Variants in UNC13B observed in about 807,000 individuals in gnomAD.
UNC13B encodes protein unc-13 homolog B.
In UNC13B, 144 loss-of-function variants were observed where a neutral mutation model predicts 211.0. The observed-to-expected ratio is 0.68, with a 90% CI of 0.60 to 0.78. The LOEUF is 0.78. Ranked by LOEUF, UNC13B falls within the 30% of genes least tolerant of loss-of-function variation. The probability of loss-of-function intolerance (pLI) is 0.00; values close to 1 mark genes in which losing one functional copy is unlikely to be tolerated. For missense variants in UNC13B, 1,777 were observed against 2,002.0 expected (o/e 0.89, Z 2.14); for synonymous variants, 709 against 725.8 (o/e 0.98, Z 0.37).
rs1564081215 is a variant in UNC13B at position 35,231,202 on chromosome 9, G to A, written c.135G>A (p.Trp45Ter). 6.2e-7 allele frequency: 1 copy of A among 1,612,368 alleles called. No individual in the cohort carries two copies. The highest frequency in any genetic ancestry group is 8.5e-7 in the Non-Finnish European group (1 of 1,178,580). The change falls in exon 3 of 40, where the codon TGG becomes TGA. Residue 45 changes from tryptophan to a stop codon, truncating the protein, a stop_gained. Coordinates refer to ENST00000635942, the MANE Select transcript of UNC13B (RefSeq NM_001371189.2). LOFTEE classifies it high-confidence loss of function. ...CAGTTCGTGGTGATCAGCCTTCCTG[G>A]GAACAGGATTTCATGTTGTAAGTAT... is the stretch of plus-strand genomic sequence containing the variant. ...TVAVRGDQPS[W>*]EQDFMFEISR... is the part of the protein sequence containing the mutation.
chr9:35,400,178 G>T (rs1273038105), intron 36 of UNC13B, 118 bp from the exon 37 acceptor site: 2 of 1,414,258 alleles, frequency 1.4e-6, no homozygotes, highest in Admixed American at 4.2e-5. Flanking sequence ...CTCTGGTTCT[G>T]TGGGTGTTCC....
intron 3 of UNC13B, among the ~76,000 whole-genome samples, chr9:35,233,330 A>C (rs984156034): frequency 1.3e-5 from 2 of 151,926 alleles, no homozygotes; most frequent in African/African-American, 4.8e-5. Context: ...TTTATTTTCC[A>C]ATTTCCCATA....
Position 35,236,519 on chromosome 9 carries a change from G to T in UNC13B, c.203G>T (p.Gly68Val), listed in dbSNP as rs993513945. 5 of 1,614,102 alleles carry T rather than the reference G, an allele frequency of 3.1e-6. No individual in the cohort carries two copies. The highest frequency in any genetic ancestry group is 1.7e-5 in the Admixed American group (1 of 60,004). ...LGLSVEVWNK[G>V]LIWDTMVGTV... ...CTAAGTGTGGAGGTATGGAACAAAG[G>T]ACTGATCTGGGACACCATGGTGGGG... Residue 68 changes from glycine (G) to valine (V), a missense_variant, in exon 4 of 40, where the codon GGA becomes GTA. Coordinates refer to ENST00000635942, the MANE Select transcript of UNC13B (RefSeq NM_001371189.2).
chr9:35,253,166 G>A (rs1186166140), intron 6 of UNC13B, among the ~76,000 whole-genome samples: 3 of 152,070 alleles, frequency 2.0e-5, no homozygotes, highest in Non-Finnish European at 4.4e-5. Context: ...TTTGGAGACA[G>A]GGTCTTGCTC....
intron 11 of UNC13B, among the ~76,000 whole-genome samples, chr9:35,339,842 C>A (rs571986156): frequency 6.6e-6 from 1 of 152,328 alleles, no homozygotes; most frequent in African/African-American, 2.4e-5. Context: ...CTTAGCCAGG[C>A]CTTAGGGCCA....
chr9:35,370,273 T>C, intron 12 of UNC13B, 45 bp from the exon 13 acceptor site: 1 of 1,589,228 alleles, frequency 6.3e-7, no homozygotes. Context: ...ACCAGCTAAC[T>C]CAAAGCAAGA....
chr9:35,400,117 C>A (rs1390307966), intron 36 of UNC13B, among the ~76,000 whole-genome samples, 179 bp from the exon 37 acceptor site: 3 of 152,212 alleles, frequency 2.0e-5, no homozygotes. Flanking sequence ...ATGTGGCCAT[C>A]CCCTACTAAT....
At chr9:35,377,855 G>A (rs1834534568) in intron 16 of UNC13B, among the ~76,000 whole-genome samples, 160 bp downstream of exon 16, 1 of 152,204 alleles carries the variant, frequency 6.6e-6, no homozygotes, top group Non-Finnish European at 1.5e-5. Context: ...TCCTTACCTA[G>A]ACCCTGGTGC....
intron 11 of UNC13B, among the ~76,000 whole-genome samples, chr9:35,337,689 C>T (rs7872997): frequency 0.05 from 7,651 of 152,282 alleles, 651 homozygotes; most frequent in African/African-American, 0.18. Flanking sequence ...GAAAAACCCA[C>T]CTCTTTGGGA....
At chr9:35,287,941 C>T (rs1234219671) in intron 7 of UNC13B, among the ~76,000 whole-genome samples, 1 of 152,030 alleles carries the variant, frequency 6.6e-6, no homozygotes, top group East Asian at 1.9e-4. Context: ...AGCCTGCCCC[C>T]ATGTTGTATT....
chr9:35,207,067 GT>G (rs950509965), intron 1 of UNC13B, among the ~76,000 whole-genome samples: 2 of 152,114 alleles, frequency 1.3e-5, no homozygotes, highest in East Asian at 3.8e-4. Context: ...CAAAGTGGCT[GT>G]ATCATTGTGG....
At chr9:35,209,056 T>C (rs2131408529) in intron 1 of UNC13B, among the ~76,000 whole-genome samples, 2 of 152,206 alleles carry the variant, frequency 1.3e-5, no homozygotes, top group Non-Finnish European at 2.9e-5. Context: ...TCCTTTCCAC[T>C]TTGTTTGTTT....
rs1324814809 is a variant in UNC13B, at chr9:35,404,878, A to G, written c.*845A>G. The G allele has an allele frequency of 2.0e-5, 3 of 152,580 alleles. No individual in the cohort carries two copies. In the East Asian group the frequency reaches 5.8e-4, roughly 29 times the overall value. 9.5% of individuals were successfully genotyped at this position (152,580 alleles called of 1,614,324 possible). Reference sequence around the variant, plus strand: ...CTTGGGTGGGCCCTGAACAAAGCCAAAAATTGTAGAAACCAGTCTAGAAAA... The same window carrying G: ...CTTGGGTGGGCCCTGAACAAAGCCAGAAATTGTAGAAACCAGTCTAGAAAA... On this transcript the variant is annotated 3_prime_UTR_variant, in exon 40 of 40. Coordinates refer to ENST00000635942, the MANE Select transcript of UNC13B (RefSeq NM_001371189.2).
intron 5 of UNC13B, among the ~76,000 whole-genome samples, chr9:35,241,796 A>C (rs1018361611): frequency 6.6e-6 from 1 of 152,118 alleles, no homozygotes; most frequent in Non-Finnish European, 1.5e-5. Flanking sequence ...TTATGGGTGT[A>C]CCATATGGAT....
chr9:35,192,449 A>G (rs1822708857), intron 1 of UNC13B, among the ~76,000 whole-genome samples: 1 of 152,232 alleles, frequency 6.6e-6, no homozygotes, highest in Admixed American at 6.5e-5. Context: ...TAGAAGCAGC[A>G]TAACATCCCT....
chr9:35,371,556 C>T (rs180863211), intron 13 of UNC13B, among the ~76,000 whole-genome samples: 1 of 152,266 alleles, frequency 6.6e-6, no homozygotes, highest in African/African-American at 2.4e-5. Context: ...GCCATGTCTT[C>T]TTCAATACCA....
At chr9:35,281,629 G>A (rs7031549) in intron 7 of UNC13B, among the ~76,000 whole-genome samples, 96,477 of 152,020 alleles carry the variant, frequency 0.63, 31,228 homozygotes, top group Middle Eastern at 0.76. Flanking sequence ...TGTAGTTTAC[G>A]TTATGGTTCT....
chr9:35,390,521 C>A, intron 25 of UNC13B, 108 bp from the exon 26 acceptor site: 1 of 1,242,484 alleles, frequency 8.0e-7, no homozygotes, highest in Non-Finnish European at 1.2e-6. Flanking sequence ...CCCTAAGCAT[C>A]TCCTCTCTCC....
At chr9:35,178,254 A>G (rs1427526172) in intron 1 of UNC13B, among the ~76,000 whole-genome samples, 1 of 152,196 alleles carries the variant, frequency 6.6e-6, no homozygotes, top group African/African-American at 2.4e-5. Context: ...CATGCCTGTA[A>G]TCTCAGCATT....
Sources: allele counts gnomAD v4.1 joint callset (sites outside exome capture counted in the v4.1 genomes callset), GRCh38; gene constraint gnomAD v4.1.1; transcripts MANE v1.5; gene names NCBI Gene and HGNC (gene_info 2026-07-23, HGNC 2026-07-21).